Variants in STAB1 observed in about 807,000 individuals in gnomAD.
The protein encoded by STAB1 is stabilin-1.
Under a neutral mutation model 332.4 loss-of-function variants are expected in STAB1, and 250 were observed. That is an observed-to-expected ratio of 0.75 (90% confidence interval 0.68 to 0.84). The LOEUF is 0.84. STAB1 is among the 40% of genes least tolerant of loss of function. The probability of loss-of-function intolerance (pLI) is 0.00; values close to 1 mark genes in which losing one functional copy is unlikely to be tolerated. For missense variants in STAB1, 3,249 were observed against 3,489.7 expected (o/e 0.93, Z 1.74); for synonymous variants, 1,475 against 1,390.4 (o/e 1.06, Z -1.35).
chr3:52,507,379 C>G (rs1364210781), intron 18 of STAB1, among the ~76,000 whole-genome samples: 1 of 152,220 alleles, frequency 6.6e-6, no homozygotes, highest in East Asian at 1.9e-4. Flanking sequence ...CGCTCCATCC[C>G]CTTTCACTCA....
rs1484084451 is a variant in STAB1, at chr3:52,511,703, C to T, written c.2841C>T (p.Pro947=). The change falls in exon 26 of 69, where the codon CCC becomes CCT. Residue 947 remains proline, a synonymous_variant. Transcript: ENST00000321725. ...CCGGGGATGGCTACCAGTGCAGCCC[C>T]ATCGACCCCTGCCGGGCAGGCAATG... The part of the protein sequence containing the change: ...GFAGDGYQCS[P]IDPCRAGNGG... The T allele has an allele frequency of 1.2e-6, 2 of 1,608,528 alleles. No individual in the cohort carries two copies. Among genetic ancestry groups the T allele is most frequent in the African/African-American group, 1.3e-5 (1 of 74,846 alleles).
chr3:52,520,580 G>A, intron 53 of STAB1, 31 bp downstream of exon 53: 1 of 1,611,282 alleles, frequency 6.2e-7, no homozygotes, highest in Non-Finnish European at 8.5e-7. Flanking sequence ...ACGGGCAGAA[G>A]CCCACCCCGC....
chr3:52,501,853 G>C, intron 3 of STAB1, 100 bp downstream of exon 3: 1 of 1,382,612 alleles, frequency 7.2e-7, no homozygotes, highest in East Asian at 2.5e-5. Flanking sequence ...CAACTTGTTT[G>C]TTTAATTAAT....
chr3:52,506,641 CG>C, intron 17 of STAB1, 50 bp from the exon 18 acceptor site: 4 of 1,546,682 alleles, frequency 2.6e-6, no homozygotes, highest in Non-Finnish European at 3.5e-6. Flanking sequence ...GCAGCCCCAC[CG>C]GGCCAAGGCC....
At chr3:52,505,578 T>A (rs1708790670) in intron 14 of STAB1, 90 bp from the exon 15 acceptor site, 2 of 1,370,708 alleles carry the variant, frequency 1.5e-6, no homozygotes, top group Non-Finnish European at 2.0e-6. Context: ...AGTGGGAGTT[T>A]CCTGCAGGCC....
At chr3:52,506,341 G>A (rs573162243) in intron 17 of STAB1, 91 bp downstream of exon 17, 4 of 1,212,304 alleles carry the variant, frequency 3.3e-6, no homozygotes, top group African/African-American at 1.5e-5. Flanking sequence ...CGAGCCCCGT[G>A]GTGGGCAGGA....
chr3:52,508,914 T>G (rs941888267), intron 21 of STAB1, among the ~76,000 whole-genome samples: 2 of 152,212 alleles, frequency 1.3e-5, no homozygotes, highest in East Asian at 3.8e-4. Flanking sequence ...GGTTTTCTTT[T>G]GTGTTCTGTT....
Position 52,504,036 on chromosome 3 carries a change from G to T in STAB1, c.1031G>T (p.Cys344Phe), listed in dbSNP as rs1708656894. The T allele has an allele frequency of 6.2e-7, 1 of 1,600,548 alleles. No individual in the cohort carries two copies. ...VTADGKTSCV[C>F]RESEVGDGRA... Reference sequence around the variant, plus strand: ...TCTCCCTGGGAGCCCAGCTGTGTGTGCAGGGAAAGCGAGGTGGGGGATGGG... The same window carrying T: ...TCTCCCTGGGAGCCCAGCTGTGTGTTCAGGGAAAGCGAGGTGGGGGATGGG... Residue 344 changes from cysteine to phenylalanine, a missense_variant, in exon 10 of 69, where the codon TGC becomes TTC. Cys to Phe is a radical substitution (Grantham distance 205). Transcript: ENST00000321725.
Position 52,506,722 on chromosome 3 carries a change from C to G in STAB1, c.1861C>G (p.Pro621Ala), listed in dbSNP as rs1315974218. ...GRILLGPEGVPLQRVDVMAAN... is the reference protein window; with the variant it reads ...GRILLGPEGVALQRVDVMAAN... ...CATCCTGCTGGGACCCGAGGGGGTC[C>G]CGCTGCAGAGGGTAGACGTGATGGC... The change falls in exon 18 of 69, where the codon CCG becomes GCG. Residue 621 changes from proline (P) to alanine (A), a missense_variant. By Grantham distance (27) the Pro-to-Ala change is conservative. Transcript: ENST00000321725. 6.2e-7 allele frequency: 1 copy of G among 1,611,878 alleles called. No homozygotes were observed. Among genetic ancestry groups the G allele is most frequent in the Non-Finnish European group, 8.5e-7 (1 of 1,179,336 alleles).
rs1351372791 is a variant in STAB1, at chr3:52,515,463, CCTT to C, written c.3908_3910del (p.Phe1303del). The C allele has an allele frequency of 3.1e-6, 5 of 1,613,548 alleles. No individual in the cohort carries two copies. The highest frequency in any genetic ancestry group is 2.7e-5 in the African/African-American group (2 of 75,070). ...AGCTGTGTCTACCGATCTGGCTTCT[CCTT>C]CTCCCGGGGCTGCTCTTACACATGT... On this transcript the variant is annotated inframe_deletion, in exon 37 of 69. Transcript: ENST00000321725.
intron 22 of STAB1, 43 bp from the exon 23 acceptor site, chr3:52,509,827 C>T (rs1365194824): frequency 3.1e-6 from 5 of 1,609,948 alleles, no homozygotes; most frequent in African/African-American, 2.7e-5. Flanking sequence ...GCCAGCCCTG[C>T]CTCCTGCTTC....
At chr3:52,514,247 G>C in intron 33 of STAB1, 34 bp downstream of exon 33, 1 of 1,610,976 alleles carries the variant, frequency 6.2e-7, no homozygotes, top group Non-Finnish European at 8.5e-7. Context: ...TGGCAGGGAG[G>C]GCAAAGGCAT....
rs748502092 is a variant in STAB1 at position 52,520,139 on chromosome 3, C to T, written c.5412+19C>T. 6.2e-7 allele frequency: 1 copy of T among 1,612,470 alleles called. No individual in the cohort carries two copies. The highest frequency in any genetic ancestry group is 8.5e-7 in the Non-Finnish European group (1 of 1,179,438). On this transcript the variant is annotated intron_variant, in intron 51 of 68. Coordinates refer to ENST00000321725, the MANE Select transcript of STAB1 (RefSeq NM_015136.3). ...TGTCGAGGTGGGTGCAGCCCCCAAC[C>T]TTGGTCTTCACTGCCTGCAGCTCAG...
chr3:52,509,329 G>A lies in STAB1; in HGVS notation c.2347+8G>A. 6.2e-7 allele frequency: 1 copy of A among 1,612,262 alleles called. No individual in the cohort carries two copies. Among genetic ancestry groups the A allele is most frequent in the Non-Finnish European group, 8.5e-7 (1 of 1,179,334 alleles). On this transcript the variant is annotated splice_region_variant and intron_variant, in intron 22 of 68. Transcript: ENST00000321725. The stretch of plus-strand genomic sequence containing the variant: ...GAGAGCAATGCCAGGAAGGTGGGTG[G>A]TCCTGGCTCAGGCCACCTCCTAGGG...
Position 52,515,050 on chromosome 3 carries a change from G to C in STAB1, c.3864+5G>C. 6.2e-7 allele frequency: 1 copy of C among 1,613,388 alleles called. No individual in the cohort carries two copies. The highest frequency in any genetic ancestry group is 8.5e-7 in the Non-Finnish European group (1 of 1,179,980). On this transcript the variant is annotated splice_donor_5th_base_variant and intron_variant, in intron 36 of 68. Coordinates refer to ENST00000321725, the MANE Select transcript of STAB1 (RefSeq NM_015136.3). ...ACTCAGGGCTTCCAGCTGCAGGTGA[G>C]ACTGGGCTTAGCGCAGCTCTGTCCC...
Position 52,522,591 on chromosome 3 carries a change from G to A in STAB1, c.6647G>A (p.Ser2216Asn). 1 of 1,613,062 alleles carries A rather than the reference G, an allele frequency of 6.2e-7. No homozygotes were observed. Among genetic ancestry groups the A allele is most frequent in the East Asian group, 2.2e-5 (1 of 44,884 alleles). Residue 2216 changes from serine (S) to asparagine (N), a missense_variant, in exon 61 of 69, where the codon AGC becomes AAC. By Grantham distance (46) the Ser-to-Asn change is conservative. Transcript: ENST00000321725. ...RAGVFHLQAT[S>N]GPYGLNFSEA... ...GGCGTTTTCCACCTCCAGGCCACCA[G>A]CGGCCCTTATGGTCTGAACTTTTCG...
intron 51 of STAB1, 22 bp downstream of exon 51, chr3:52,520,142 G>C (rs747193770): frequency 2.7e-5 from 44 of 1,611,986 alleles, no homozygotes; most frequent in Non-Finnish European, 3.3e-5. Flanking sequence ...CCCCAACCTT[G>C]GTCTTCACTG....
At chr3:52,521,268 A>G in intron 55 of STAB1, 93 bp from the exon 56 acceptor site, 1 of 1,557,112 alleles carries the variant, frequency 6.4e-7, no homozygotes, top group Non-Finnish European at 8.8e-7. Flanking sequence ...GACATAGGTC[A>G]GGGACAGATG....
At chr3:52,515,946 G>T (rs1315382914) in intron 37 of STAB1, 97 bp from the exon 38 acceptor site, 2 of 1,371,646 alleles carry the variant, frequency 1.5e-6, no homozygotes, top group African/African-American at 1.5e-5. Flanking sequence ...GAGGGGTTTT[G>T]CTCCATGGCT....
Sources: gnomAD v4.1 joint callset for allele counts (sites outside exome capture counted in the v4.1 genomes callset) on GRCh38, gnomAD v4.1.1 for gene constraint, MANE v1.5 for transcripts, NCBI Gene and HGNC (gene_info 2026-07-23, HGNC 2026-07-21) for gene names.